Variants in MACROD2 observed in about 807,000 individuals in gnomAD.
The protein encoded by MACROD2 is ADP-ribose glycohydrolase MACROD2.
Under a neutral mutation model 70.4 loss-of-function variants are expected in MACROD2, and 36 were observed. The observed-to-expected ratio is 0.51, with a 90% CI of 0.39 to 0.68. MACROD2 has a LOEUF of 0.68. Among genes scored for constraint, MACROD2 ranks in the 30% least tolerant of loss-of-function variants. The pLI is 0.00. For synonymous variants in MACROD2, 172 were observed against 178.8 expected, an observed-to-expected ratio of 0.96 and a Z score of 0.30; for missense variants, 496 against 538.4, an observed-to-expected ratio of 0.92 and a Z score of 0.78.
chr20:14,591,097 T>C (rs1254673840), intron 4 of MACROD2, among the ~76,000 whole-genome samples: 1 of 152,202 alleles, frequency 6.6e-6, no homozygotes, highest in Non-Finnish European at 1.5e-5. Flanking sequence ...TAAAACTGTT[T>C]TAAATTCTTT....
At position 14,453,900 on chromosome 20, in the gene MACROD2, A is replaced by G. The variant is rs143365562; in HGVS notation, c.272-39579A>G. ...TATAATTCATAAGTATAATTTTAATATTTATATACTATTTAGAAAGAGTTT... is the reference window on the plus strand; with the variant it reads ...TATAATTCATAAGTATAATTTTAATGTTTATATACTATTTAGAAAGAGTTT... On this transcript the variant is annotated intron_variant, in intron 3 of 17. Coordinates refer to ENST00000684519, the MANE Select transcript of MACROD2 (RefSeq NM_001351661.2). Among the ~76,000 whole-genome samples, 292 of 151,964 alleles carry G rather than the reference A, an allele frequency of 1.9e-3. 1 individual carries two copies. The highest frequency in any genetic ancestry group is 6.9e-3 in the Middle Eastern group (2 of 290).
At chr20:14,888,669 T>C (rs562225931) in intron 5 of MACROD2, 1 of 152,338 alleles carries the variant, frequency 6.6e-6, no homozygotes, top group African/African-American at 2.4e-5. Context: ...GAGTCACTTA[T>C]CCTAAACAGT....
chr20:15,614,365 T>C (rs1184490268), intron 8 of MACROD2, among the ~76,000 whole-genome samples: 1 of 152,216 alleles, frequency 6.6e-6, no homozygotes, highest in Non-Finnish European at 1.5e-5. Flanking sequence ...TCCCATTGCT[T>C]GCTGTGTTTC....
At chr20:14,040,913 A>C (rs2053381660) in intron 2 of MACROD2, among the ~76,000 whole-genome samples, 2 of 152,206 alleles carry the variant, frequency 1.3e-5, no homozygotes, top group Non-Finnish European at 2.9e-5. Context: ...CTAATAGCAG[A>C]GATAAGTATA....
intron 3 of MACROD2, among the ~76,000 whole-genome samples, chr20:14,131,410 G>A: frequency 6.6e-6 from 1 of 152,132 alleles, no homozygotes; most frequent in East Asian, 1.9e-4. Flanking sequence ...AGCTAGATTA[G>A]TTTGTGTGTA....
intron 5 of MACROD2, among the ~76,000 whole-genome samples, chr20:14,837,653 C>A (rs905532118): frequency 6.6e-6 from 1 of 151,928 alleles, no homozygotes; most frequent in African/African-American, 2.4e-5. Flanking sequence ...TGATATTGAC[C>A]AGTCAACTAA....
intron 7 of MACROD2, among the ~76,000 whole-genome samples, chr20:15,491,876 G>A (rs566980050): frequency 1.4e-4 from 22 of 152,202 alleles, no homozygotes; most frequent in African/African-American, 5.3e-4. Flanking sequence ...GCAGTGCATC[G>A]TCAGCATCTG....
At chr20:15,031,682 CAG>C (rs1290474250) in intron 5 of MACROD2, among the ~76,000 whole-genome samples, 4 of 152,120 alleles carry the variant, frequency 2.6e-5, no homozygotes. Context: ...GTTAATCTGG[CAG>C]AGTTAGCGGT....
intron 3 of MACROD2, among the ~76,000 whole-genome samples, chr20:14,156,754 A>G (rs964951699): frequency 1.3e-5 from 2 of 152,234 alleles, no homozygotes; most frequent in Non-Finnish European, 2.9e-5. Flanking sequence ...TTTGATGATT[A>G]AATATTGTAT....
intron 5 of MACROD2, among the ~76,000 whole-genome samples, chr20:14,909,170 T>C (rs879649384): frequency 3.3e-5 from 5 of 152,140 alleles, no homozygotes; most frequent in Admixed American, 3.3e-4. Context: ...TTGGTGGAGC[T>C]TGTTCCCTAA....
intron 8 of MACROD2, among the ~76,000 whole-genome samples, chr20:15,551,044 T>A (rs2048088931): frequency 6.6e-6 from 1 of 152,202 alleles, no homozygotes; most frequent in Admixed American, 6.5e-5. Context: ...AAGAAAGTGT[T>A]AGAGATACTG....
chr20:14,099,610 G>A (rs1202170711), intron 3 of MACROD2, among the ~76,000 whole-genome samples: 2 of 152,034 alleles, frequency 1.3e-5, no homozygotes, highest in Non-Finnish European at 2.9e-5. Flanking sequence ...TTTCTAGTCT[G>A]GGTGTTTTAG....
intron 8 of MACROD2, among the ~76,000 whole-genome samples, chr20:15,548,794 C>A (rs2048058409): frequency 6.6e-6 from 1 of 152,186 alleles, no homozygotes; most frequent in South Asian, 2.1e-4. Flanking sequence ...CATGAGTTAC[C>A]TTCCTTGGGG....
At chr20:14,503,681 G>A (rs2084939178) in intron 4 of MACROD2, among the ~76,000 whole-genome samples, 1 of 152,198 alleles carries the variant, frequency 6.6e-6, no homozygotes, top group East Asian at 1.9e-4. Flanking sequence ...AAAGCTCTCA[G>A]AAATAGCCAT....
intron 5 of MACROD2, among the ~76,000 whole-genome samples, chr20:14,957,327 T>C (rs1179016980): frequency 6.6e-6 from 1 of 151,802 alleles, no homozygotes; most frequent in Admixed American, 6.6e-5. Flanking sequence ...TTTATGTATA[T>C]GTAATACTGA....
At chr20:15,360,307 A>G (rs1331571631) in intron 6 of MACROD2, among the ~76,000 whole-genome samples, 6 of 152,158 alleles carry the variant, frequency 3.9e-5, no homozygotes, top group Non-Finnish European at 7.4e-5. Context: ...AATAAAAGTT[A>G]CTGTGAACAT....
At chr20:15,948,382 C>CAAAAGAAAAAAAAA (rs2065855768) in intron 12 of MACROD2, among the ~76,000 whole-genome samples, 1 of 43,128 alleles carries the variant, frequency 2.3e-5, no homozygotes, top group East Asian at 6.4e-4. Context: ...CTTGCAACTG[C>CAAAAGAAAAAAAAA]AAAAAAAAAA....
At chr20:14,063,370 C>T (rs374300159) in intron 2 of MACROD2, among the ~76,000 whole-genome samples, 28 of 152,284 alleles carry the variant, frequency 1.8e-4, no homozygotes, top group African/African-American at 6.3e-4. Context: ...CATCTTATTT[C>T]TCTACCACCT....
chr20:15,954,776 T>C (rs1324943656), intron 12 of MACROD2, among the ~76,000 whole-genome samples: 2 of 152,204 alleles, frequency 1.3e-5, no homozygotes, highest in African/African-American at 4.8e-5. Context: ...ATAGCTAATA[T>C]CAGCAACAAT....
Sources: gnomAD v4.1 joint callset for allele counts (sites outside exome capture counted in the v4.1 genomes callset) on GRCh38, gnomAD v4.1.1 for gene constraint, MANE v1.5 for transcripts, NCBI Gene and HGNC (gene_info 2026-07-23, HGNC 2026-07-21) for gene names.